AP3D1: variants seen among roughly 807,000 people sequenced by gnomAD.
The protein encoded by AP3D1 is AP-3 complex subunit delta-1.
AP3D1 carries 51 observed loss-of-function variants against 147.6 expected under a neutral mutation model. The ratio of observed to expected loss-of-function variants is 0.35; its 90% CI spans 0.28 to 0.44. AP3D1 has a LOEUF of 0.44. Among genes scored for constraint, AP3D1 ranks in the 20% least tolerant of loss-of-function variants. The probability of loss-of-function intolerance (pLI) is 1.00; values close to 1 mark genes in which losing one functional copy is unlikely to be tolerated. For synonymous variants in AP3D1, 760 were observed against 663.0 expected (o/e 1.15, Z -2.25); for missense variants, 1,421 against 1,624.2 (o/e 0.87, Z 2.15).
At chr19:2,118,530 T>C in intron 15 of AP3D1, 71 bp downstream of exon 15, 1 of 1,436,286 alleles carries the variant, frequency 7.0e-7, no homozygotes, top group Non-Finnish European at 9.4e-7. Context: ...CCCGTCGACC[T>C]GGCCGCCACT....
Position 2,123,525 on chromosome 19 carries a change from A to T in AP3D1, c.907-119T>A, listed in dbSNP as rs959480596. The T allele has an allele frequency of 1.1e-5, 11 of 1,025,748 alleles. 1 individual carries two copies. The highest frequency in any genetic ancestry group is 1.6e-5 in the Non-Finnish European group (11 of 699,964). 63.5% of individuals were successfully genotyped at this position (1,025,748 alleles called of 1,614,324 possible). ...GGCCCGGCGTCAGCCCCACCCACCA[A>T]TCAAAGCCCAGGAGGGAAACAAGCA... On this transcript the variant is annotated intron_variant, in intron 10 of 31. Coordinates refer to ENST00000643116, the MANE Select transcript of AP3D1 (RefSeq NM_001261826.3).
chr19:2,144,713 G>A (rs1304294548), intron 1 of AP3D1, among the ~76,000 whole-genome samples: 1 of 152,134 alleles, frequency 6.6e-6, no homozygotes, highest in East Asian at 1.9e-4. Flanking sequence ...GACCAGCTTG[G>A]TCAACATGGT....
At chr19:2,139,636 C>T (rs951137913) in intron 1 of AP3D1, among the ~76,000 whole-genome samples, 6 of 152,220 alleles carry the variant, frequency 3.9e-5, no homozygotes, top group African/African-American at 9.6e-5. Flanking sequence ...GCAGCAGAGG[C>T]TTGGAGTGCC....
rs572093730 is a variant in AP3D1 at position 2,130,415 on chromosome 19, G to A, written c.585C>T (p.Pro195=). Residue 195 remains proline, a synonymous_variant, in exon 6 of 32, where the codon CCC becomes CCT. Transcript: ENST00000643116. ...FPRLKEKLED[P]DPGVQSAAVN... ...TAACTCAAATCCACAAACCGGGGTC[G>A]GGGTCCTCCAGCTTCTCCTTCAGCC... 124 of 1,613,916 alleles carry A rather than the reference G, an allele frequency of 7.7e-5. No individual in the cohort carries two copies. The Middle Eastern group carries it at 1.5e-3, about 19-fold the overall frequency.
chr19:2,111,834 G>C lies in AP3D1; in HGVS notation c.2788-6C>G, dbSNP rs551488706. 3 of 1,613,602 alleles carry C rather than the reference G, an allele frequency of 1.9e-6. No homozygotes were observed. The highest frequency in any genetic ancestry group is 1.7e-5 in the Admixed American group (1 of 60,030). On this transcript the variant is annotated splice_region_variant and splice_polypyrimidine_tract_variant and intron_variant, in intron 24 of 31. Transcript: ENST00000643116. ...TTCTTAGGCTTGGGAGATTTCTGGA[G>C]CAAGAGGAGGGTCGGGTTCAGTGCC...
chr19:2,128,241 G>A (rs893675863), intron 8 of AP3D1, among the ~76,000 whole-genome samples: 4 of 152,128 alleles, frequency 2.6e-5, no homozygotes. Flanking sequence ...TCCTAACATA[G>A]GATCCCATTC....
chr19:2,107,739 CAAAAA>C (rs1268434677), intron 31 of AP3D1, among the ~76,000 whole-genome samples: 1 of 86,518 alleles, frequency 1.2e-5, no homozygotes, highest in African/African-American at 4.0e-5. Context: ...GACTCCGTCT[CAAAAA>C]AAAAAAAAAA....
intron 24 of AP3D1, 27 bp from the exon 25 acceptor site, chr19:2,111,855 GT>G: frequency 6.2e-7 from 1 of 1,612,270 alleles, no homozygotes; most frequent in Non-Finnish European, 8.5e-7. Flanking sequence ...GTCGGGTTCA[GT>G]GCCCAGGCTG....
rs114505976 is a variant in AP3D1 at position 2,121,705 on chromosome 19, C to T, written c.1101+29G>A. 169 of 1,545,700 alleles carry T rather than the reference C, an allele frequency of 1.1e-4. 1 individual carries two copies. In the African/African-American group the frequency reaches 1.7e-3, roughly 15 times the overall value. On this transcript the variant is annotated intron_variant, in intron 12 of 31. Transcript: ENST00000643116. ...TGTCCCTTAGAGAACTAAGGCCAGG[C>T]GGGCGGGCGGCGGACAGAGGGCACG... is the stretch of plus-strand genomic sequence containing the variant.
intron 27 of AP3D1, 46 bp downstream of exon 27, chr19:2,110,661 C>T (rs759360356): frequency 2.3e-5 from 35 of 1,502,934 alleles, no homozygotes; most frequent in South Asian, 1.0e-4. Flanking sequence ...GCTGCCACTG[C>T]GCTCCCACAG....
At position 2,115,424 on chromosome 19, in the gene AP3D1, G is replaced by A. The variant is rs747128452; in HGVS notation, c.2150-6C>T. 3.7e-6 allele frequency: 6 copies of A among 1,607,434 alleles called. No homozygotes were observed. Among genetic ancestry groups the A allele is most frequent in the South Asian group, 1.1e-5 (1 of 91,068 alleles). On this transcript the variant is annotated splice_polypyrimidine_tract_variant and splice_region_variant and intron_variant, in intron 19 of 31. Coordinates refer to ENST00000643116, the MANE Select transcript of AP3D1 (RefSeq NM_001261826.3). Reference sequence around the variant, plus strand: ...CTGATCTGACATAGGCAGCCCTGCGGGCCGGCAGCGGGCAGCCACTCAGCA... The same window carrying A: ...CTGATCTGACATAGGCAGCCCTGCGAGCCGGCAGCGGGCAGCCACTCAGCA...
intron 27 of AP3D1, 103 bp from the exon 28 acceptor site, chr19:2,110,327 G>A: frequency 1.0e-6 from 1 of 988,442 alleles, no homozygotes; most frequent in Non-Finnish European, 1.6e-6. Flanking sequence ...TGGCTGATTA[G>A]GAAACTGAGC....
chr19:2,147,748 G>C (rs1389542288), intron 1 of AP3D1, among the ~76,000 whole-genome samples: 1 of 151,218 alleles, frequency 6.6e-6, no homozygotes, highest in South Asian at 2.1e-4. Flanking sequence ...ACAAAAATTA[G>C]CTGGATGTGG....
chr19:2,114,350 C>A, intron 21 of AP3D1, 48 bp from the exon 22 acceptor site: 1 of 1,500,572 alleles, frequency 6.7e-7, no homozygotes, highest in African/African-American at 1.4e-5. Context: ...TGGCCACCCC[C>A]CAGGACCACT....
chr19:2,131,767 C>A (rs373592407), intron 5 of AP3D1, among the ~76,000 whole-genome samples: 1 of 122,812 alleles, frequency 8.1e-6, no homozygotes, highest in Non-Finnish European at 1.7e-5. Flanking sequence ...CACCTCCGGG[C>A]GGACAGGCAG....
chr19:2,126,652 C>CAA (rs58063456), intron 9 of AP3D1, among the ~76,000 whole-genome samples: 793 of 59,446 alleles, frequency 0.013, 15 homozygotes, highest in East Asian at 0.082. Context: ...GACTCTGCCT[C>CAA]AAAAAAAAAA....
Position 2,138,613 on chromosome 19 carries a change from A to G in AP3D1, c.192+6T>C. 1 of 1,612,962 alleles carries G rather than the reference A, an allele frequency of 6.2e-7. No individual in the cohort carries two copies. The highest frequency in any genetic ancestry group is 8.5e-7 in the Non-Finnish European group (1 of 1,179,226). On this transcript the variant is annotated splice_donor_region_variant and intron_variant, in intron 2 of 31. Coordinates refer to ENST00000643116, the MANE Select transcript of AP3D1 (RefSeq NM_001261826.3). ...TGCTGGGCGCTGGCCACTGGGAGGC[A>G]CTTACATACGTCAGCTTGCAGACCG...
chr19:2,150,161 G>T (rs916651159), intron 1 of AP3D1, among the ~76,000 whole-genome samples: 1 of 152,232 alleles, frequency 6.6e-6, no homozygotes, highest in Non-Finnish European at 1.5e-5. Flanking sequence ...CAGGAAGCAA[G>T]TCCCTTAACT....
At chr19:2,121,642 C>A in intron 12 of AP3D1, 92 bp downstream of exon 12, 2 of 1,467,160 alleles carry the variant, frequency 1.4e-6, no homozygotes, top group Non-Finnish European at 1.8e-6. Flanking sequence ...TGTGAGGGGA[C>A]TCCATGCATT....
Sources: gnomAD v4.1 joint callset for allele counts (sites outside exome capture counted in the v4.1 genomes callset) on GRCh38, gnomAD v4.1.1 for gene constraint, MANE v1.5 for transcripts, NCBI Gene and HGNC (gene_info 2026-07-23, HGNC 2026-07-21) for gene names.